PDE4D: variants seen among roughly 807,000 people sequenced by gnomAD.
PDE4D encodes the protein phosphodiesterase 4D.
PDE4D carries 24 observed loss-of-function variants against 87.4 expected under a neutral mutation model. The observed-to-expected ratio is 0.27, with a 90% confidence interval of 0.20 to 0.39. The LOEUF (loss-of-function observed/expected upper bound fraction) is 0.39. Among genes scored for constraint, PDE4D ranks in the 10% least tolerant of loss-of-function variants. The probability of loss-of-function intolerance (pLI) is 1.00; values close to 1 mark genes in which losing one functional copy is unlikely to be tolerated. For missense variants in PDE4D, 714 were observed against 1,041.0 expected, an observed-to-expected ratio of 0.69 and a Z score of 4.32; for synonymous variants, 384 against 383.2, an observed-to-expected ratio of 1.00 and a Z score of -0.02.
chr5:60,413,934 AC>A (rs1335322919), intron 1 of PDE4D, among the ~76,000 whole-genome samples: 1 of 152,152 alleles, frequency 6.6e-6, no homozygotes, highest in African/African-American at 2.4e-5. Context: ...ACTTTGTCAA[AC>A]TTTTTACAGT....
At chr5:59,865,423 G>A (rs537865146) in intron 1 of PDE4D, among the ~76,000 whole-genome samples, 4 of 152,268 alleles carry the variant, frequency 2.6e-5, no homozygotes, top group Admixed American at 2.0e-4. Context: ...CTGATTAACT[G>A]AAAAACAGAG....
chr5:59,613,145 G>A (rs1043051307), intron 1 of PDE4D, among the ~76,000 whole-genome samples: 4 of 152,150 alleles, frequency 2.6e-5, no homozygotes, highest in Non-Finnish European at 5.9e-5. Context: ...GGTTGCCATG[G>A]TGATGGTGAG....
intron 1 of PDE4D, among the ~76,000 whole-genome samples, chr5:59,820,690 A>C (rs977979219): frequency 2.0e-5 from 3 of 152,162 alleles, no homozygotes; most frequent in African/African-American, 7.2e-5. Context: ...GTTGTTTTGC[A>C]AAAAAATGAA....
intron 1 of PDE4D, among the ~76,000 whole-genome samples, chr5:60,409,109 C>CAGAAA (rs1741824110): frequency 6.6e-6 from 1 of 151,904 alleles, no homozygotes; most frequent in East Asian, 1.9e-4. Flanking sequence ...GTGACTTATG[C>CAGAAA]AGAAAAGAAA....
At chr5:59,150,045 G>T (rs895266333) in intron 5 of PDE4D, among the ~76,000 whole-genome samples, 2 of 152,096 alleles carry the variant, frequency 1.3e-5, no homozygotes, top group African/African-American at 4.8e-5. Context: ...ATTATTTAGA[G>T]TCCTGTCATG....
At chr5:59,344,342 G>T (rs562523897) in intron 1 of PDE4D, among the ~76,000 whole-genome samples, 1 of 152,276 alleles carries the variant, frequency 6.6e-6, no homozygotes. Context: ...ATCACTGAAT[G>T]ATTCCATTTT....
chr5:59,791,702 C>T (rs574955793), intron 1 of PDE4D, among the ~76,000 whole-genome samples: 1 of 152,180 alleles, frequency 6.6e-6, no homozygotes, highest in African/African-American at 2.4e-5. Flanking sequence ...GAAATATAAG[C>T]AATATGAAAT....
At chr5:59,665,751 T>A (rs1745977066) in intron 1 of PDE4D, among the ~76,000 whole-genome samples, 1 of 152,164 alleles carries the variant, frequency 6.6e-6, no homozygotes, top group Non-Finnish European at 1.5e-5. Flanking sequence ...TCCAGCCTTG[T>A]GAACAGGATT....
intron 1 of PDE4D, among the ~76,000 whole-genome samples, chr5:59,478,305 A>G (rs1364498922): frequency 6.6e-6 from 1 of 152,096 alleles, no homozygotes; most frequent in African/African-American, 2.4e-5. Flanking sequence ...TTGCCAGAGT[A>G]TTATCTAATT....
At chr5:59,842,178 C>T (rs895584987) in intron 1 of PDE4D, among the ~76,000 whole-genome samples, 7 of 151,776 alleles carry the variant, frequency 4.6e-5, no homozygotes, top group East Asian at 2.0e-4. Context: ...GAGGTGAGTT[C>T]GGAGGCAGAG....
At chr5:59,172,388 A>AAT (rs1306591136) in intron 5 of PDE4D, among the ~76,000 whole-genome samples, 2 of 137,930 alleles carry the variant, frequency 1.5e-5, no homozygotes, top group Non-Finnish European at 3.1e-5. Context: ...TATTTATATA[A>AAT]ATATATATAT....
intron 1 of PDE4D, among the ~76,000 whole-genome samples, chr5:59,772,329 G>A (rs914016150): frequency 2.0e-4 from 30 of 152,186 alleles, no homozygotes; most frequent in Non-Finnish European, 4.4e-5. Context: ...ACACTGTACA[G>A]TAAGTGACAG....
At chr5:59,158,346 GCT>G (rs1431470922) in intron 5 of PDE4D, among the ~76,000 whole-genome samples, 1 of 152,150 alleles carries the variant, frequency 6.6e-6, no homozygotes, top group Non-Finnish European at 1.5e-5. Flanking sequence ...AGGTCTCTCA[GCT>G]CTGAGTCACT....
intron 1 of PDE4D, among the ~76,000 whole-genome samples, chr5:59,834,497 A>G (rs1157658479): frequency 6.6e-6 from 1 of 152,078 alleles, no homozygotes; most frequent in African/African-American, 2.4e-5. Context: ...TTATATTTTA[A>G]TTTTACATCT....
At chr5:60,103,239 C>T (rs1014165289) in intron 2 of PDE4D, among the ~76,000 whole-genome samples, 1 of 152,156 alleles carries the variant, frequency 6.6e-6, no homozygotes, top group East Asian at 1.9e-4. Flanking sequence ...AGTTATTTTT[C>T]CTGCTTGGGA....
intron 3 of PDE4D, among the ~76,000 whole-genome samples, chr5:59,971,381 A>AATAAATAAATAAAT (rs1284828760): frequency 2.8e-4 from 42 of 151,404 alleles, no homozygotes; most frequent in Non-Finnish European, 5.4e-4. Context: ...TAAATAAATA[A>AATAAATAAATAAAT]AAAAGAGAGA....
At chr5:59,437,033 A>G (rs1796892585) in intron 1 of PDE4D, among the ~76,000 whole-genome samples, 1 of 152,164 alleles carries the variant, frequency 6.6e-6, no homozygotes, top group Non-Finnish European at 1.5e-5. Flanking sequence ...GCTGGTTTCA[A>G]TTCTCCCATC....
intron 1 of PDE4D, among the ~76,000 whole-genome samples, chr5:59,347,742 G>GTTAT (rs1162823612): frequency 6.6e-6 from 1 of 151,950 alleles, no homozygotes; most frequent in East Asian, 1.9e-4. Context: ...TTCCCTCACT[G>GTTAT]TATTTTTATA....
chr5:59,607,361 G>T (rs1353955836), intron 1 of PDE4D, among the ~76,000 whole-genome samples: 1 of 152,028 alleles, frequency 6.6e-6, no homozygotes, highest in Non-Finnish European at 1.5e-5. Flanking sequence ...TTATTATCAG[G>T]CTGCTGCAGT....
Sources: allele counts gnomAD v4.1 joint callset (sites outside exome capture counted in the v4.1 genomes callset), GRCh38; gene constraint gnomAD v4.1.1; transcripts MANE v1.5; gene names NCBI Gene and HGNC (gene_info 2026-07-23, HGNC 2026-07-21).